Variants in NAALADL2 observed in about 807,000 individuals in gnomAD.
NAALADL2 encodes N-acetylated alpha-linked acidic dipeptidase like 2.
A neutral mutation model predicts 87.2 loss-of-function variants in NAALADL2; 76 were observed. The ratio of observed to expected loss-of-function variants is 0.87; its 90% confidence interval spans 0.72 to 1.05. The LOEUF is 1.05. Ranked by LOEUF, NAALADL2 falls within the 50% of genes least tolerant of loss-of-function variation. NAALADL2 has a pLI of 0.00. For missense variants in NAALADL2, 1,089 were observed against 945.8 expected (o/e 1.15, Z -1.99); for synonymous variants, 354 against 331.0 (o/e 1.07, Z -0.75).
intron 2 of NAALADL2, among the ~76,000 whole-genome samples, chr3:175,229,722 G>A (rs1744668551): frequency 6.6e-6 from 1 of 151,858 alleles, no homozygotes; most frequent in Non-Finnish European, 1.5e-5. Context: ...TAAACATTCA[G>A]ACTACAGCAA....
intron 2 of NAALADL2, among the ~76,000 whole-genome samples, chr3:175,113,739 G>C (rs1724598599): frequency 1.3e-5 from 2 of 151,610 alleles, no homozygotes; most frequent in African/African-American, 4.8e-5. Flanking sequence ...GAGGAAACTT[G>C]TGCTTAAGGA....
chr3:174,834,949 A>G (rs1579127215), intron 3 of NAALADL2, among the ~76,000 whole-genome samples: 1 of 151,888 alleles, frequency 6.6e-6, no homozygotes, highest in Admixed American at 6.6e-5. Flanking sequence ...TAAAATTTGT[A>G]TGTAAATGTG....
chr3:175,251,659 T>C (rs1160671458), intron 3 of NAALADL2, among the ~76,000 whole-genome samples: 1 of 152,194 alleles, frequency 6.6e-6, no homozygotes, highest in Non-Finnish European at 1.5e-5. Context: ...CAAGAATATG[T>C]GGAAAAAATG....
At chr3:175,799,179 C>T (rs898737759) in intron 13 of NAALADL2, among the ~76,000 whole-genome samples, 1 of 151,748 alleles carries the variant, frequency 6.6e-6, no homozygotes, top group Non-Finnish European at 1.5e-5. Context: ...AATATGTTTG[C>T]CATTTAATGA....
At chr3:175,080,966 G>A (rs1443156119) in intron 1 of NAALADL2, 2 of 152,156 alleles carry the variant, frequency 1.3e-5, no homozygotes, top group Non-Finnish European at 2.9e-5. Context: ...TATTAAGTAC[G>A]TAAGGGCAAT....
chr3:175,319,815 G>T (rs1759616315), intron 4 of NAALADL2, among the ~76,000 whole-genome samples: 1 of 152,122 alleles, frequency 6.6e-6, no homozygotes, highest in African/African-American at 2.4e-5. Flanking sequence ...GCGAGACTGT[G>T]TTTCAAAAAA....
chr3:174,873,827 A>C (rs1579298862), intron 1 of NAALADL2, among the ~76,000 whole-genome samples: 1 of 151,588 alleles, frequency 6.6e-6, no homozygotes, highest in Non-Finnish European at 1.5e-5. Context: ...TCTGCTTGGA[A>C]GGAAACATAT....
At chr3:174,970,669 T>C (rs1743500375) in intron 1 of NAALADL2, among the ~76,000 whole-genome samples, 2 of 152,180 alleles carry the variant, frequency 1.3e-5, no homozygotes. Flanking sequence ...TTGTAATATG[T>C]TGTTCTTCAA....
At chr3:175,432,296 T>A (rs1428632316) in intron 5 of NAALADL2, among the ~76,000 whole-genome samples, 3 of 152,016 alleles carry the variant, frequency 2.0e-5, no homozygotes, top group Admixed American at 6.6e-5. Context: ...GATCTATTTT[T>A]ACTGTTTTCC....
intron 12 of NAALADL2, among the ~76,000 whole-genome samples, chr3:175,747,490 G>A (rs1931166): frequency 6.6e-6 from 1 of 152,084 alleles, no homozygotes; most frequent in South Asian, 2.1e-4. Context: ...TGACAGAATA[G>A]TACCATAACC....
intron 3 of NAALADL2, among the ~76,000 whole-genome samples, chr3:175,251,285 T>A (rs1749024208): frequency 6.6e-6 from 1 of 152,212 alleles, no homozygotes; most frequent in African/African-American, 2.4e-5. Flanking sequence ...TTGTGTTTAG[T>A]TCCTTGTTCT....
intron 11 of NAALADL2, among the ~76,000 whole-genome samples, chr3:175,729,602 C>T (rs1417383551): frequency 1.3e-5 from 2 of 152,124 alleles, no homozygotes; most frequent in Non-Finnish European, 2.9e-5. Flanking sequence ...TGTTTCTGTA[C>T]CTCACTTCCA....
chr3:174,680,734 C>G (rs1345980620), intron 2 of NAALADL2, among the ~76,000 whole-genome samples: 3 of 152,108 alleles, frequency 2.0e-5, no homozygotes, highest in Non-Finnish European at 4.4e-5. Context: ...CTTAAAATTA[C>G]ATAGTGACAT....
chr3:175,147,582 T>C (rs1158522189), intron 2 of NAALADL2, among the ~76,000 whole-genome samples: 2 of 36,848 alleles, frequency 5.4e-5, no homozygotes, highest in Admixed American at 6.3e-4. Context: ...GGTAGAACAG[T>C]TTATTTTTGG....
At chr3:175,315,309 C>G (rs558316774) in intron 4 of NAALADL2, among the ~76,000 whole-genome samples, 14 of 152,072 alleles carry the variant, frequency 9.2e-5, no homozygotes, top group Admixed American at 6.5e-4. Context: ...ATTCTTTGAG[C>G]TAAATAATAG....
intron 1 of NAALADL2, among the ~76,000 whole-genome samples, chr3:174,974,655 A>G (rs1744124794): frequency 6.6e-6 from 1 of 152,204 alleles, no homozygotes; most frequent in African/African-American, 2.4e-5. Context: ...TTATAGTAAC[A>G]GAAAAGTTGG....
rs1344002136 is a variant in NAALADL2 at position 175,432,235 on chromosome 3, G to A, written c.1091-14994G>A. ...ACCCTCATATATAAAGTGTAAAAATGGAATGAGACAATATATGCCAAGTAT... is the reference window on the plus strand; with the variant it reads ...ACCCTCATATATAAAGTGTAAAAATAGAATGAGACAATATATGCCAAGTAT... On this transcript the variant is annotated intron_variant, in intron 5 of 13. Coordinates refer to ENST00000454872, the MANE Select transcript of NAALADL2 (RefSeq NM_207015.3). Among the ~76,000 whole-genome samples the A allele has an allele frequency of 3.3e-5, 5 of 151,856 alleles. No individual in the cohort carries two copies. The South Asian group carries it at 8.3e-4, about 25-fold the overall frequency.
intron 4 of NAALADL2, among the ~76,000 whole-genome samples, chr3:175,311,446 G>A (rs1241237009): frequency 1.3e-5 from 2 of 151,980 alleles, no homozygotes; most frequent in Non-Finnish European, 2.9e-5. Flanking sequence ...TTAACTGTGT[G>A]GTCTTGATCT....
At chr3:175,202,837 T>C (rs1740252114) in intron 2 of NAALADL2, among the ~76,000 whole-genome samples, 1 of 151,828 alleles carries the variant, frequency 6.6e-6, no homozygotes, top group African/African-American at 2.4e-5. Flanking sequence ...GTCAATGAAG[T>C]TGTGTACCTA....
Sources: allele counts gnomAD v4.1 joint callset (sites outside exome capture counted in the v4.1 genomes callset), GRCh38; gene constraint gnomAD v4.1.1; transcripts MANE v1.5; gene names NCBI Gene and HGNC (gene_info 2026-07-23, HGNC 2026-07-21).